NRXN1: variants seen among roughly 807,000 people sequenced by gnomAD.
The protein encoded by NRXN1 is neurexin 1, also known as neurexin-1.
NRXN1 carries 39 observed loss-of-function variants against 150.9 expected under a neutral mutation model. That is an observed-to-expected ratio of 0.26 (90% CI 0.20 to 0.34). The LOEUF (loss-of-function observed/expected upper bound fraction) is 0.34. Ranked by LOEUF, NRXN1 falls within the 10% of genes least tolerant of loss-of-function variation. NRXN1 has a pLI of 1.00. For synonymous variants in NRXN1, 924 were observed against 757.0 expected (o/e 1.22, Z -3.62); for missense variants, 1,815 against 1,949.9 (o/e 0.93, Z 1.30).
intron 2 of NRXN1, among the ~76,000 whole-genome samples, chr2:50,981,839 G>C (rs992589743): frequency 4.3e-5 from 5 of 115,716 alleles, no homozygotes; most frequent in East Asian, 2.0e-4. Flanking sequence ...GTGTGTGTGT[G>C]TGTATGTGTG....
intron 17 of NRXN1, among the ~76,000 whole-genome samples, chr2:50,399,853 T>A (rs1325099774): frequency 1.7e-4 from 14 of 84,308 alleles, no homozygotes; most frequent in East Asian, 3.6e-4. Flanking sequence ...AAAAAAAAAA[T>A]TCTCAGAAAA....
chr2:49,977,090 T>C (rs1361006518), intron 21 of NRXN1, among the ~76,000 whole-genome samples: 1 of 152,230 alleles, frequency 6.6e-6, no homozygotes, highest in Admixed American at 6.5e-5. Flanking sequence ...ACTGAAAACT[T>C]GGCTTATAGA....
chr2:49,959,744 T>C (rs1675585764), intron 21 of NRXN1, among the ~76,000 whole-genome samples: 1 of 152,216 alleles, frequency 6.6e-6, no homozygotes, highest in East Asian at 1.9e-4. Flanking sequence ...TGGTGCGTGA[T>C]AAATTCAAAA....
chr2:50,852,350 T>A (rs1195706371), intron 5 of NRXN1, among the ~76,000 whole-genome samples: 1 of 152,224 alleles, frequency 6.6e-6, no homozygotes, highest in Non-Finnish European at 1.5e-5. Flanking sequence ...GATTTTTTCC[T>A]CTGACTAATT....
At chr2:50,761,749 G>T (rs1157043500) in intron 5 of NRXN1, among the ~76,000 whole-genome samples, 1 of 151,804 alleles carries the variant, frequency 6.6e-6, no homozygotes, top group Non-Finnish European at 1.5e-5. Flanking sequence ...CCCTCAATCT[G>T]GAAGGGTACC....
chr2:50,026,548 T>C (rs1688308170), intron 21 of NRXN1, among the ~76,000 whole-genome samples: 1 of 152,176 alleles, frequency 6.6e-6, no homozygotes, highest in South Asian at 2.1e-4. Flanking sequence ...GCATGTGCTG[T>C]CTCTCAATGA....
At chr2:50,926,771 C>A (rs1181947885) in intron 2 of NRXN1, among the ~76,000 whole-genome samples, 1 of 151,734 alleles carries the variant, frequency 6.6e-6, no homozygotes. Flanking sequence ...TTCTATATAT[C>A]TATAAAATAC....
At chr2:50,587,806 T>G (rs2351766) in intron 8 of NRXN1, among the ~76,000 whole-genome samples, 72,847 of 151,674 alleles carry the variant, frequency 0.48, 17,853 homozygotes, top group East Asian at 0.81. Flanking sequence ...ATGGGGTTTG[T>G]GAAAAAAAGC....
At chr2:50,225,356 C>A (rs1309305229) in intron 18 of NRXN1, among the ~76,000 whole-genome samples, 1 of 151,966 alleles carries the variant, frequency 6.6e-6, no homozygotes, top group East Asian at 1.9e-4. Context: ...ATCTACTAAG[C>A]ACCATGCTAG....
chr2:50,342,797 G>T (rs2077647328), intron 17 of NRXN1, among the ~76,000 whole-genome samples: 1 of 152,234 alleles, frequency 6.6e-6, no homozygotes, highest in African/African-American at 2.4e-5. Context: ...TGAGCTCATA[G>T]AATTGCTCTG....
At chr2:49,944,921 C>T (rs1362924954) in intron 21 of NRXN1, among the ~76,000 whole-genome samples, 4 of 152,022 alleles carry the variant, frequency 2.6e-5, no homozygotes, top group Admixed American at 2.0e-4. Flanking sequence ...AAAGGAGCAC[C>T]TAATATTGTC....
At chr2:50,396,495 CTAGG>C (rs2082058683) in intron 17 of NRXN1, among the ~76,000 whole-genome samples, 6 of 152,092 alleles carry the variant, frequency 3.9e-5, no homozygotes, top group Non-Finnish European at 7.4e-5. Context: ...TTGAATTTTA[CTAGG>C]TAGTGAATTT....
chr2:50,376,549 G>GT (rs2080512151), intron 17 of NRXN1, among the ~76,000 whole-genome samples: 1 of 152,096 alleles, frequency 6.6e-6, no homozygotes, highest in African/African-American at 2.4e-5. Context: ...GTCAAAACAT[G>GT]TTTTTCTATC....
chr2:50,544,386 T>A (rs1301685151), intron 9 of NRXN1, among the ~76,000 whole-genome samples: 1 of 152,124 alleles, frequency 6.6e-6, no homozygotes, highest in African/African-American at 2.4e-5. Flanking sequence ...AATTTCTGTA[T>A]CTTTTTTAAA....
chr2:50,803,843 T>C (rs1239212616), intron 5 of NRXN1, among the ~76,000 whole-genome samples: 2 of 151,466 alleles, frequency 1.3e-5, no homozygotes, highest in Non-Finnish European at 2.9e-5. Context: ...ACTTTTAACA[T>C]ACTTCTGATT....
intron 21 of NRXN1, among the ~76,000 whole-genome samples, chr2:49,951,712 C>T (rs1471643245): frequency 6.6e-6 from 1 of 152,018 alleles, no homozygotes; most frequent in Non-Finnish European, 1.5e-5. Flanking sequence ...ATATCTAGTC[C>T]TATTATGGAT....
At chr2:50,362,359 G>C (rs1010632975) in intron 17 of NRXN1, among the ~76,000 whole-genome samples, 11 of 152,106 alleles carry the variant, frequency 7.2e-5, no homozygotes, top group African/African-American at 2.7e-4. Flanking sequence ...CATTGTCTCA[G>C]ACCAAAAACT....
intron 2 of NRXN1, among the ~76,000 whole-genome samples, chr2:51,000,660 T>C (rs940559460): frequency 1.1e-4 from 16 of 152,074 alleles, no homozygotes; most frequent in African/African-American, 3.1e-4. Context: ...AGTGAAGAAG[T>C]AGAAATAACA....
At chr2:50,045,058 T>C (rs1361555154) in intron 21 of NRXN1, among the ~76,000 whole-genome samples, 3 of 152,098 alleles carry the variant, frequency 2.0e-5, no homozygotes, top group Non-Finnish European at 1.5e-5. Flanking sequence ...GTTTGGTAAA[T>C]GCTGAATAAA....
Sources: gnomAD v4.1 joint callset for allele counts (sites outside exome capture counted in the v4.1 genomes callset) on GRCh38, gnomAD v4.1.1 for gene constraint, MANE v1.5 for transcripts, NCBI Gene and HGNC (gene_info 2026-07-23, HGNC 2026-07-21) for gene names.